MBNL1: variants seen among roughly 807,000 people sequenced by gnomAD.
MBNL1 encodes muscleblind like splicing regulator 1.
Under a neutral mutation model 42.2 loss-of-function variants are expected in MBNL1, and 8 were observed. The ratio of observed to expected loss-of-function variants is 0.19; its 90% CI spans 0.11 to 0.34. The LOEUF (loss-of-function observed/expected upper bound fraction) is 0.34. Ranked by LOEUF, MBNL1 falls within the 10% of genes least tolerant of loss-of-function variation. The probability of loss-of-function intolerance (pLI) is 1.00; values close to 1 mark genes in which losing one functional copy is unlikely to be tolerated. For missense variants in MBNL1, 309 were observed against 495.3 expected (o/e 0.62, Z 3.57); for synonymous variants, 169 against 173.9 (o/e 0.97, Z 0.22).
chr3:152,318,133 C>T (rs1230936507), intron 2 of MBNL1, among the ~76,000 whole-genome samples: 1 of 152,074 alleles, frequency 6.6e-6, no homozygotes, highest in Non-Finnish European at 1.5e-5. Context: ...AAGCAATTTT[C>T]CAGACTGTTT....
In MBNL1 at chr3:152,296,743, A is replaced by T. The variant is rs567268405; in HGVS notation, c.-789-2662A>T. On this transcript the variant is annotated intron_variant, in intron 1 of 9. Transcript: ENST00000324210. ...CAGTGTGTTCATGTGTTGTATTCAT[A>T]TATGTGTTCATGTGTGTGTGTTTGT... Among the ~76,000 whole-genome samples, 4 of 152,014 alleles carry T rather than the reference A, an allele frequency of 2.6e-5. 1 individual carries two copies. Among genetic ancestry groups the T allele is most frequent in the East Asian group, 1.9e-4 (1 of 5,180 alleles).
chr3:152,433,922 C>T (rs1456552961), intron 4 of MBNL1, among the ~76,000 whole-genome samples: 1 of 152,068 alleles, frequency 6.6e-6, no homozygotes, highest in Non-Finnish European at 1.5e-5. Flanking sequence ...ATTTGGTAAA[C>T]TATAGATGTA....
chr3:152,374,385 A>C (rs978046842), intron 2 of MBNL1, among the ~76,000 whole-genome samples: 2 of 152,158 alleles, frequency 1.3e-5, no homozygotes, highest in Non-Finnish European at 2.9e-5. Flanking sequence ...TTCAGCTGGA[A>C]AGTATGTATT....
intron 2 of MBNL1, among the ~76,000 whole-genome samples, chr3:152,383,865 C>T (rs2097292746): frequency 6.6e-6 from 1 of 151,952 alleles, no homozygotes; most frequent in African/African-American, 2.4e-5. Flanking sequence ...CTTCCCTCAC[C>T]TCAAATCCCT....
intron 6 of MBNL1, 76 bp downstream of exon 6, chr3:152,447,849 C>T: frequency 7.4e-7 from 1 of 1,353,906 alleles, no homozygotes; most frequent in East Asian, 2.4e-5. Context: ...ATAAACCACA[C>T]CCCAAGTTTG....
chr3:152,415,863 A>G (rs1446718632), intron 3 of MBNL1, among the ~76,000 whole-genome samples: 2 of 151,840 alleles, frequency 1.3e-5, no homozygotes, highest in African/African-American at 2.4e-5. Flanking sequence ...AATAATCTCT[A>G]TTCATATTTA....
chr3:152,335,059 CT>C, intron 2 of MBNL1: 1 of 1,243,456 alleles, frequency 8.0e-7, no homozygotes. Flanking sequence ...GCTAATATTG[CT>C]GGGAAGGAAA....
At chr3:152,368,028 A>C (rs1012448185) in intron 2 of MBNL1, among the ~76,000 whole-genome samples, 1 of 151,658 alleles carries the variant, frequency 6.6e-6, no homozygotes, top group Non-Finnish European at 1.5e-5. Context: ...TTTTTAGTTT[A>C]ATTAGATCAC....
intron 2 of MBNL1, among the ~76,000 whole-genome samples, chr3:152,404,904 A>C (rs1313753845): frequency 6.6e-6 from 1 of 151,996 alleles, no homozygotes; most frequent in Non-Finnish European, 1.5e-5. Flanking sequence ...TGAAGTAGAT[A>C]ATATGAAGCA....
chr3:152,334,687 G>A (rs1471880084), intron 2 of MBNL1, among the ~76,000 whole-genome samples: 3 of 152,108 alleles, frequency 2.0e-5, no homozygotes, highest in Admixed American at 6.6e-5. Flanking sequence ...ATTTTATATG[G>A]TAACATTCTT....
At chr3:152,395,621 T>C (rs1237625092) in intron 2 of MBNL1, among the ~76,000 whole-genome samples, 1 of 152,226 alleles carries the variant, frequency 6.6e-6, no homozygotes, top group Non-Finnish European at 1.5e-5. Flanking sequence ...CTAAGGAGTG[T>C]CTTCCTGAAA....
chr3:152,309,910 C>A (rs1050136463), intron 2 of MBNL1, among the ~76,000 whole-genome samples: 1 of 152,100 alleles, frequency 6.6e-6, no homozygotes, highest in South Asian at 2.1e-4. Flanking sequence ...AAAAGCACAA[C>A]GAAGATTAAA....
chr3:152,323,996 C>T (rs1217199403), intron 2 of MBNL1, among the ~76,000 whole-genome samples: 3 of 152,270 alleles, frequency 2.0e-5, no homozygotes, highest in East Asian at 1.9e-4. Flanking sequence ...TCCCCGTTTT[C>T]GGTTGCAGTA....
At chr3:152,335,343 A>G (rs2089037884) in intron 2 of MBNL1, 15 of 1,007,874 alleles carry the variant, frequency 1.5e-5, no homozygotes, top group Admixed American at 2.3e-5. Context: ...TATTCTGTAC[A>G]TTAGAAACTG....
intron 2 of MBNL1, among the ~76,000 whole-genome samples, chr3:152,412,860 A>T (rs912213291): frequency 8.5e-5 from 13 of 152,158 alleles, no homozygotes; most frequent in African/African-American, 3.1e-4. Flanking sequence ...GAGTGAATTG[A>T]TGGGAAGTGA....
At chr3:152,258,942 A>C (rs547413454) in intron 2 of MBNL1, among the ~76,000 whole-genome samples, 1 of 152,328 alleles carries the variant, frequency 6.6e-6, no homozygotes, top group East Asian at 1.9e-4. Context: ...CTTGGTATTT[A>C]GGGACCTTGG....
chr3:152,257,412 T>TAAGGATGCC (rs1400139690), intron 2 of MBNL1, among the ~76,000 whole-genome samples: 2 of 152,124 alleles, frequency 1.3e-5, no homozygotes, highest in African/African-American at 4.8e-5. Context: ...AAGAGGATGC[T>TAAGGATGCC]AAGGATGCCT....
intron 2 of MBNL1, among the ~76,000 whole-genome samples, chr3:152,407,946 G>A (rs1471009140): frequency 6.6e-6 from 1 of 151,998 alleles, no homozygotes; most frequent in Non-Finnish European, 1.5e-5. Context: ...ACCTGGACAC[G>A]AGGGGAACAA....
chr3:152,373,623 G>A (rs1368272088), intron 2 of MBNL1, among the ~76,000 whole-genome samples: 2 of 152,040 alleles, frequency 1.3e-5, no homozygotes, highest in African/African-American at 2.4e-5. Flanking sequence ...GCTTTGGCTC[G>A]TGCTCTGTGG....
Sources: gnomAD v4.1 joint callset for allele counts (sites outside exome capture counted in the v4.1 genomes callset) on GRCh38, gnomAD v4.1.1 for gene constraint, MANE v1.5 for transcripts, NCBI Gene and HGNC (gene_info 2026-07-23, HGNC 2026-07-21) for gene names.